TAOK3: variants seen among roughly 807,000 people sequenced by gnomAD.
TAOK3 encodes TAO kinase 3.
In TAOK3, 40 loss-of-function variants were observed where a neutral mutation model predicts 120.4. The observed-to-expected ratio is 0.33, with a 90% CI of 0.26 to 0.43. TAOK3 has a LOEUF of 0.43. TAOK3 is among the 20% of genes least tolerant of loss of function. The probability of loss-of-function intolerance (pLI) is 1.00; values close to 1 mark genes in which losing one functional copy is unlikely to be tolerated. For synonymous variants in TAOK3, 355 were observed against 387.5 expected, an observed-to-expected ratio of 0.92 and a Z score of 0.99; for missense variants, 821 against 1,112.1, an observed-to-expected ratio of 0.74 and a Z score of 3.72.
chr12:118,265,364 G>C (rs1242302903), intron 2 of TAOK3, among the ~76,000 whole-genome samples: 1 of 147,452 alleles, frequency 6.8e-6, no homozygotes, highest in Non-Finnish European at 1.5e-5. Context: ...ACTCCAGCCT[G>C]GGTGACAGAG....
chr12:118,332,444 A>G (rs1313238804), intron 1 of TAOK3, among the ~76,000 whole-genome samples: 1 of 152,062 alleles, frequency 6.6e-6, no homozygotes, highest in African/African-American at 2.4e-5. Context: ...TAAAGAATTC[A>G]CTGTTTTCTA....
intron 1 of TAOK3, among the ~76,000 whole-genome samples, chr12:118,319,115 A>C (rs1346351062): frequency 6.6e-6 from 1 of 152,242 alleles, no homozygotes; most frequent in Non-Finnish European, 1.5e-5. Flanking sequence ...ACAAATTATC[A>C]GCTGAAATCT....
intron 17 of TAOK3, among the ~76,000 whole-genome samples, chr12:118,169,310 A>ACCC (rs1259794098): frequency 8.9e-5 from 2 of 22,452 alleles, no homozygotes; most frequent in Non-Finnish European, 1.7e-4. Context: ...CACCACGCCC[A>ACCC]CCCCCACCCC....
In TAOK3 at chr12:118,189,994, C is replaced by T. The variant is rs370066855; in HGVS notation, c.1195-53G>A. 83 of 1,602,954 alleles carry T rather than the reference C, an allele frequency of 5.2e-5. 2 individuals carry two copies. The South Asian group carries it at 8.3e-4, about 16-fold the overall frequency. On this transcript the variant is annotated intron_variant, in intron 13 of 20. Coordinates refer to ENST00000392533, the MANE Select transcript of TAOK3 (RefSeq NM_016281.4). ...AAGTCCAGCTGTGCTCTTTCCTCGCCGGCTGCCTCTCTCTCACCCCTCTTT... is the reference window on the plus strand; with the variant it reads ...AAGTCCAGCTGTGCTCTTTCCTCGCTGGCTGCCTCTCTCTCACCCCTCTTT...
At chr12:118,151,222 G>A (rs1337384474) in intron 20 of TAOK3, 64 bp from the exon 21 acceptor site, 17 of 1,562,656 alleles carry the variant, frequency 1.1e-5, no homozygotes, top group East Asian at 2.2e-5. Flanking sequence ...ACGTGCACGC[G>A]ATACACCCAT....
chr12:118,246,369 T>G, intron 3 of TAOK3: 6 of 1,598,812 alleles, frequency 3.8e-6, no homozygotes, highest in African/African-American at 1.3e-5. Flanking sequence ...GATCATTGAT[T>G]TCTTCCTGGG....
Position 118,160,736 on chromosome 12 carries a change from T to C in TAOK3, c.2140-378A>G, listed in dbSNP as rs369078121. Among the ~76,000 whole-genome samples the C allele has an allele frequency of 7.9e-4, 120 of 152,146 alleles. 1 individual carries two copies. The South Asian group carries it at 0.017, about 21-fold the overall frequency. On this transcript the variant is annotated intron_variant, in intron 18 of 20. Transcript: ENST00000392533. This position sits in a 1 kb window ranked among gnomAD's most constrained non-coding sequence, Gnocchi z 4.2. Reference sequence around the variant, plus strand: ...AGTGTCTTCCATTGTTCATTGTTTTTCCCCCCTTTTTTTTTGTTTCTGTGT... The same window carrying C: ...AGTGTCTTCCATTGTTCATTGTTTTCCCCCCCTTTTTTTTTGTTTCTGTGT...
chr12:118,324,734 CTTTTTTTTTT>C (rs35462737), intron 1 of TAOK3, among the ~76,000 whole-genome samples: 7 of 69,644 alleles, frequency 1.0e-4, no homozygotes, highest in Non-Finnish European at 1.6e-4. Context: ...GAATTTCATT[CTTTTTTTTTT>C]TTTTTTTTTT....
At chr12:118,241,936 C>A (rs2040269297) in intron 5 of TAOK3, among the ~76,000 whole-genome samples, 1 of 151,942 alleles carries the variant, frequency 6.6e-6, no homozygotes, top group Non-Finnish European at 1.5e-5. Context: ...CATGGAGAAA[C>A]CCCGTCTCTA....
chr12:118,163,751 C>G (rs2035385519), intron 17 of TAOK3, among the ~76,000 whole-genome samples: 2 of 151,960 alleles, frequency 1.3e-5, no homozygotes, highest in Admixed American at 1.3e-4. Flanking sequence ...TCTTGTTGCC[C>G]AGTGCAATGG....
chr12:118,164,326 C>CAA (rs138985138), intron 17 of TAOK3, among the ~76,000 whole-genome samples: 5 of 149,816 alleles, frequency 3.3e-5, no homozygotes, highest in African/African-American at 7.3e-5. Flanking sequence ...GACTCCGTCT[C>CAA]AAAAAAAACA....
chr12:118,307,344 T>C (rs1468798448), intron 1 of TAOK3, among the ~76,000 whole-genome samples: 7 of 152,100 alleles, frequency 4.6e-5, no homozygotes, highest in Admixed American at 4.6e-4. Flanking sequence ...GGGAATTCAA[T>C]TATTTTTGTT....
chr12:118,256,373 C>T (rs2040989143), intron 2 of TAOK3, among the ~76,000 whole-genome samples: 1 of 152,118 alleles, frequency 6.6e-6, no homozygotes, highest in Non-Finnish European at 1.5e-5. Flanking sequence ...TACCGAGTTA[C>T]CATTTGACCC....
chr12:118,358,906 C>G (rs940867897), intron 1 of TAOK3: 20 of 151,952 alleles, frequency 1.3e-4, no homozygotes, highest in Admixed American at 6.6e-5. Flanking sequence ...AATAAAATAC[C>G]AATGACACTT....
At chr12:118,316,830 T>G (rs539329061) in intron 1 of TAOK3, among the ~76,000 whole-genome samples, 1 of 152,168 alleles carries the variant, frequency 6.6e-6, no homozygotes, top group South Asian at 2.1e-4. Context: ...TCAGTTGTAT[T>G]TCTATATACT....
chr12:118,176,849 C>G (rs1487513087), intron 16 of TAOK3, among the ~76,000 whole-genome samples: 1 of 151,998 alleles, frequency 6.6e-6, no homozygotes. Context: ...TCACTGCAAC[C>G]TCTGCCTCTT....
intron 4 of TAOK3, among the ~76,000 whole-genome samples, chr12:118,244,379 G>A (rs530938092): frequency 1.3e-5 from 2 of 151,804 alleles, no homozygotes; most frequent in Admixed American, 1.3e-4. Flanking sequence ...ATAGTTAATT[G>A]AGCTAGAACA....
In TAOK3 at chr12:118,160,355, T is replaced by C. The variant is rs1212058596; in HGVS notation, c.2143A>G (p.Met715Val). The C allele has an allele frequency of 3.1e-6, 5 of 1,613,024 alleles. No homozygotes were observed. The highest frequency in any genetic ancestry group is 1.7e-4 in the Middle Eastern group (1 of 5,882). ...AACTGTTTTTTAATTTGCATTTCCA[T>C]GGCCTGGGTAGAAAAAGTGACAAAG... ...LRQQPKNLKA[M>V]EMQIKKQFQD... is the part of the protein sequence containing the mutation. The change falls in exon 19 of 21, where the codon ATG becomes GTG. Residue 715 changes from methionine (M) to valine (V), a missense_variant. Physicochemically the swap from Met to Val is conservative, Grantham distance 21. Coordinates refer to ENST00000392533, the MANE Select transcript of TAOK3 (RefSeq NM_016281.4). This position sits in a 1 kb window ranked among gnomAD's most constrained non-coding sequence, Gnocchi z 4.2.
At chr12:118,324,734 C>CTTTTTTT (rs35462737) in intron 1 of TAOK3, among the ~76,000 whole-genome samples, 4 of 69,642 alleles carry the variant, frequency 5.7e-5, no homozygotes, top group Non-Finnish European at 8.2e-5. Context: ...GAATTTCATT[C>CTTTTTTT]TTTTTTTTTT....
Sources: gnomAD v4.1 joint callset for allele counts (sites outside exome capture counted in the v4.1 genomes callset) on GRCh38, gnomAD v4.1.1 for gene constraint, Gnocchi (gnomAD v3.1) non-coding constraint, MANE v1.5 for transcripts, NCBI Gene and HGNC (gene_info 2026-07-23, HGNC 2026-07-21) for gene names.